GRIK4: variants seen among roughly 807,000 people sequenced by gnomAD.
GRIK4 encodes glutamate receptor ionotropic, kainate 4.
GRIK4 carries 40 observed loss-of-function variants against 104.9 expected under a neutral mutation model. The ratio of observed to expected loss-of-function variants is 0.38; its 90% CI spans 0.30 to 0.50. The LOEUF (loss-of-function observed/expected upper bound fraction) is 0.50. GRIK4 is among the 20% of genes least tolerant of loss of function. The pLI is 0.93. For synonymous variants in GRIK4, 485 were observed against 524.9 expected (o/e 0.92, Z 1.04); for missense variants, 1,047 against 1,308.1 (o/e 0.80, Z 3.08).
chr11:120,908,900 T>C (rs987246515), intron 13 of GRIK4, among the ~76,000 whole-genome samples: 1 of 152,196 alleles, frequency 6.6e-6, no homozygotes, highest in Non-Finnish European at 1.5e-5. Context: ...GTGCAAAGCA[T>C]AAAATGTGGG....
chr11:120,818,226 G>C (rs1403644722), intron 5 of GRIK4, among the ~76,000 whole-genome samples: 2 of 152,244 alleles, frequency 1.3e-5, no homozygotes, highest in Non-Finnish European at 2.9e-5. Flanking sequence ...TGGTAGGCTA[G>C]AGGGTTACAC....
At chr11:120,971,208 C>G (rs1050201191) in intron 19 of GRIK4, among the ~76,000 whole-genome samples, 1 of 152,158 alleles carries the variant, frequency 6.6e-6, no homozygotes, top group Non-Finnish European at 1.5e-5. Context: ...CTTCAAAAAT[C>G]AACACTTAAG....
chr11:120,673,188 A>C (rs1950048212), intron 3 of GRIK4, among the ~76,000 whole-genome samples: 1 of 152,186 alleles, frequency 6.6e-6, no homozygotes, highest in Non-Finnish European at 1.5e-5. Flanking sequence ...TCCCATGGGG[A>C]AAAACCCTTT....
At chr11:120,811,307 A>G (rs1952823759) in intron 4 of GRIK4, among the ~76,000 whole-genome samples, 1 of 152,240 alleles carries the variant, frequency 6.6e-6, no homozygotes, top group Admixed American at 6.5e-5. Context: ...AAAAAAGGGA[A>G]GACAATAACT....
chr11:120,542,048 T>G (rs567605789), intron 1 of GRIK4, among the ~76,000 whole-genome samples: 13 of 152,160 alleles, frequency 8.5e-5, no homozygotes, highest in Non-Finnish European at 1.8e-4. Flanking sequence ...TACTTCCTGA[T>G]TTCAAACTAT....
Position 120,988,212 on chromosome 11 carries a change from G to A in GRIK4, c.*1952G>A, listed in dbSNP as rs1042010089. 5.3e-5 allele frequency: 8 copies of A among 152,068 alleles called. No homozygotes were observed. Among genetic ancestry groups the A allele is most frequent in the African/African-American group, 1.4e-4 (6 of 41,390 alleles). 9.4% of individuals were successfully genotyped at this position (152,068 alleles called of 1,614,324 possible). A position where few individuals can be genotyped will look rare whatever the true frequency, so the allele number is the denominator to read the frequency against. The stretch of plus-strand genomic sequence containing the variant: ...TCTTTTTTCTCTTTAACCATCAAAT[G>A]ACAACAAGCTGTGCAAGACACTTGT... On this transcript the variant is annotated 3_prime_UTR_variant, in exon 21 of 21. Transcript: ENST00000527524.
At chr11:120,782,309 G>T (rs1326561878) in intron 3 of GRIK4, among the ~76,000 whole-genome samples, 3 of 138,326 alleles carry the variant, frequency 2.2e-5, no homozygotes, top group Non-Finnish European at 4.5e-5. Flanking sequence ...TTTTTGAGAC[G>T]GAGTCTCGCT....
chr11:120,879,744 G>C (rs942328183), intron 11 of GRIK4, among the ~76,000 whole-genome samples: 1 of 152,104 alleles, frequency 6.6e-6, no homozygotes, highest in South Asian at 2.1e-4. Context: ...TGACAGTATT[G>C]TTTCAGCTCC....
At chr11:120,899,418 CAAAAAAAAAA>C (rs57401981) in intron 12 of GRIK4, among the ~76,000 whole-genome samples, 1 of 71,812 alleles carries the variant, frequency 1.4e-5, no homozygotes, top group South Asian at 4.8e-4. Flanking sequence ...GAGACTGTCT[CAAAAAAAAAA>C]AAAAAAAAAA....
At chr11:120,835,079 A>G (rs1953538887) in intron 7 of GRIK4, among the ~76,000 whole-genome samples, 1 of 152,132 alleles carries the variant, frequency 6.6e-6, no homozygotes, top group Admixed American at 6.5e-5. Flanking sequence ...GGCCTGGAGG[A>G]AGAAGGAGCC....
intron 1 of GRIK4, among the ~76,000 whole-genome samples, chr11:120,538,508 C>T (rs747657492): frequency 3.3e-5 from 5 of 152,330 alleles, no homozygotes; most frequent in East Asian, 1.9e-4. Flanking sequence ...TTCCTTTCTC[C>T]GTGAGTTAGA....
chr11:120,562,202 G>T (rs1758963607), intron 1 of GRIK4, among the ~76,000 whole-genome samples: 1 of 152,196 alleles, frequency 6.6e-6, no homozygotes, highest in Non-Finnish European at 1.5e-5. Context: ...AGGAAACTGT[G>T]ATTCAGAGAA....
At position 120,943,788 on chromosome 11, in the gene GRIK4, C is replaced by A. The variant is rs181376318; in HGVS notation, c.1590+3328C>A. 2.0e-5 allele frequency among the ~76,000 whole-genome samples: 3 copies of A among 152,098 alleles called. No individual in the cohort carries two copies. In the East Asian group the frequency reaches 5.8e-4, roughly 29 times the overall value. ...ATCTGGTGGCAATCAAACCTGTGTGCGAATGTAAAAATAATTAACTTAGAG... is the reference window on the plus strand; with the variant it reads ...ATCTGGTGGCAATCAAACCTGTGTGAGAATGTAAAAATAATTAACTTAGAG... On this transcript the variant is annotated intron_variant, in intron 14 of 20. Transcript: ENST00000527524.
rs965009557 is a variant in GRIK4 at position 120,549,239 on chromosome 11, C to T, written c.-159+37352C>T. 6.6e-6 allele frequency among the ~76,000 whole-genome samples: 1 copy of T among 152,108 alleles called. No individual in the cohort carries two copies. Among genetic ancestry groups the T allele is most frequent in the African/African-American group, 2.4e-5 (1 of 41,418 alleles). On this transcript the variant is annotated intron_variant, in intron 1 of 20. Coordinates refer to ENST00000527524, the MANE Select transcript of GRIK4 (RefSeq NM_014619.5). This position sits in a 1 kb window ranked among gnomAD's most constrained non-coding sequence, Gnocchi z 4.7. The stretch of plus-strand genomic sequence containing the variant: ...TCAGCCTCCCAAGTAGCTGGGATTA[C>T]AGGCACACGCCACTACACCTGGCTA...
intron 3 of GRIK4, among the ~76,000 whole-genome samples, chr11:120,728,600 C>A (rs930838495): frequency 6.6e-5 from 10 of 151,952 alleles, no homozygotes; most frequent in Non-Finnish European, 1.3e-4. Flanking sequence ...TTAAAAATAT[C>A]TTTTCACAAT....
intron 1 of GRIK4, among the ~76,000 whole-genome samples, chr11:120,557,303 C>G (rs1453377206): frequency 6.6e-6 from 1 of 152,226 alleles, no homozygotes; most frequent in Admixed American, 6.5e-5. Context: ...GCTGCACGCT[C>G]TAGGTCCGCT....
intron 3 of GRIK4, among the ~76,000 whole-genome samples, chr11:120,738,727 C>T (rs1159259007): frequency 2.0e-5 from 3 of 152,206 alleles, no homozygotes; most frequent in Admixed American, 6.5e-5. Context: ...CCAAGCAGAT[C>T]AAAGCCGTCA....
chr11:120,949,206 A>G (rs1241811719), intron 14 of GRIK4, among the ~76,000 whole-genome samples: 1 of 152,186 alleles, frequency 6.6e-6, no homozygotes, highest in African/African-American at 2.4e-5. Context: ...GCCACTTCAT[A>G]GCTCCATGGA....
chr11:120,984,535 G>A (rs538553838), intron 20 of GRIK4, among the ~76,000 whole-genome samples: 4 of 152,250 alleles, frequency 2.6e-5, no homozygotes, highest in East Asian at 1.9e-4. Flanking sequence ...TTGGGAGGCC[G>A]AGGCAGGTGA....
Sources: allele counts gnomAD v4.1 joint callset (sites outside exome capture counted in the v4.1 genomes callset), GRCh38; gene constraint gnomAD v4.1.1; non-coding constraint Gnocchi (gnomAD v3.1); transcripts MANE v1.5; gene names NCBI Gene and HGNC (gene_info 2026-07-23, HGNC 2026-07-21).